SP110: variants seen among roughly 807,000 people sequenced by gnomAD.
SP110 encodes the protein SP110 nuclear body protein.
In SP110, 62 loss-of-function variants were observed where a neutral mutation model predicts 92.7. The observed-to-expected ratio is 0.67, with a 90% CI of 0.55 to 0.83. SP110 has a LOEUF of 0.83. SP110 is among the 40% of genes least tolerant of loss of function. The pLI is 0.00. For missense variants in SP110, 793 were observed against 863.9 expected, an observed-to-expected ratio of 0.92 and a Z score of 1.03; for synonymous variants, 273 against 305.3, an observed-to-expected ratio of 0.89 and a Z score of 1.10.
chr2:230,189,112 TG>T (rs2042492104), intron 10 of SP110, among the ~76,000 whole-genome samples: 3 of 152,092 alleles, frequency 2.0e-5, no homozygotes, highest in Admixed American at 6.6e-5. Flanking sequence ...TTGGTTACTC[TG>T]GCTAATGTTC....
In SP110 at chr2:230,202,736, A is replaced by C; in HGVS notation, c.899-8T>G. 6.2e-7 allele frequency: 1 copy of C among 1,614,068 alleles called. No individual in the cohort carries two copies. The highest frequency in any genetic ancestry group is 8.5e-7 in the Non-Finnish European group (1 of 1,179,958). On this transcript the variant is annotated splice_polypyrimidine_tract_variant and splice_region_variant and intron_variant, in intron 8 of 18. Coordinates refer to ENST00000258381, the MANE Select transcript of SP110 (RefSeq NM_080424.4). ...GTCTAGATGAGGCTGTCCCTGGACC[A>C]AATAATGACTTGTTAATAGTTTAAA...
intron 3 of SP110, among the ~76,000 whole-genome samples, chr2:230,213,250 C>T (rs2044695243): frequency 6.6e-6 from 1 of 152,026 alleles, no homozygotes; most frequent in Non-Finnish European, 1.5e-5. Context: ...GCATCTAAGC[C>T]CTGATCTAAT....
intron 9 of SP110, among the ~76,000 whole-genome samples, chr2:230,201,810 T>C (rs1243250218): frequency 2.0e-5 from 3 of 152,168 alleles, no homozygotes; most frequent in Non-Finnish European, 2.9e-5. Flanking sequence ...TGTAACAGAG[T>C]ATGAAGTTAA....
chr2:230,185,165 CT>C (rs1283797605), intron 11 of SP110, among the ~76,000 whole-genome samples: 1 of 152,240 alleles, frequency 6.6e-6, no homozygotes, highest in African/African-American at 2.4e-5. Flanking sequence ...ACAGAGCAGC[CT>C]CTGTCTAGAA....
At chr2:230,221,722 CA>C (rs1284666128), upstream of SP110, 68 of 1,535,984 alleles carry the variant, frequency 4.4e-5, no homozygotes, top group Middle Eastern at 3.3e-4. Context: ...CCCTCCCCAT[CA>C]CCTGGAAAGC....
chr2:230,207,907 A>T (rs1320491342), intron 8 of SP110, 84 bp downstream of exon 8: 1 of 724,430 alleles, frequency 1.4e-6, no homozygotes, highest in African/African-American at 1.8e-5. Context: ...CATTTAGAAT[A>T]AAATTCAACC....
chr2:230,211,455 C>G lies in SP110; in HGVS notation c.751+15G>C. 1 of 1,540,644 alleles carries G rather than the reference C, an allele frequency of 6.5e-7. No individual in the cohort carries two copies. Among genetic ancestry groups the G allele is most frequent in the East Asian group, 2.2e-5 (1 of 44,524 alleles). On this transcript the variant is annotated intron_variant, in intron 6 of 18. Coordinates refer to ENST00000258381, the MANE Select transcript of SP110 (RefSeq NM_080424.4). The surrounding 1 kb of genome is among the most constrained non-coding windows in gnomAD (Gnocchi z 4.2). The stretch of plus-strand genomic sequence containing the variant: ...AAACAAAGGCAAGCTTTTAGGTTGA[C>G]CAAACCAAGATTACCTGGCATAGAG...
At chr2:230,185,912 C>T in intron 11 of SP110, 82 bp downstream of exon 11, 2 of 1,192,208 alleles carry the variant, frequency 1.7e-6, no homozygotes, top group Non-Finnish European at 2.5e-6. Flanking sequence ...ATTGACTTTA[C>T]ATATCTATCT....
intron 14 of SP110, chr2:230,176,702 G>A (rs2041876175): frequency 1.2e-6 from 2 of 1,613,924 alleles, no homozygotes; most frequent in Non-Finnish European, 1.7e-6. Context: ...ATTTATTCTT[G>A]GAGGACAGAG....
chr2:230,177,352 C>T, intron 14 of SP110, 186 bp downstream of exon 14: 7 of 698,272 alleles, frequency 1.0e-5, no homozygotes, highest in Non-Finnish European at 1.8e-5. Flanking sequence ...ATTTAAAGTT[C>T]TCCACCATCA....
chr2:230,204,644 G>T (rs1229568010), intron 8 of SP110, among the ~76,000 whole-genome samples: 1 of 151,208 alleles, frequency 6.6e-6, no homozygotes, highest in Non-Finnish European at 1.5e-5. Flanking sequence ...GCTAATTTGT[G>T]CCAGGACATT....
At chr2:230,212,611 A>C in intron 4 of SP110, 150 bp downstream of exon 4, 4 of 1,185,472 alleles carry the variant, frequency 3.4e-6, no homozygotes, top group Non-Finnish European at 5.0e-6. Flanking sequence ...GGCAGTGCTC[A>C]TAATCCCTCT....
At chr2:230,170,457 C>T (rs1369868215) in intron 18 of SP110, among the ~76,000 whole-genome samples, 164 bp downstream of exon 18, 1 of 151,860 alleles carries the variant, frequency 6.6e-6, no homozygotes, top group African/African-American at 2.4e-5. Flanking sequence ...TTGCCACTCA[C>T]TCCTTGCCTC....
intron 11 of SP110, among the ~76,000 whole-genome samples, chr2:230,184,642 GA>G (rs2042273520): frequency 6.6e-6 from 1 of 151,750 alleles, no homozygotes; most frequent in East Asian, 1.9e-4. Context: ...TTCAAAGACA[GA>G]AACCAAATCA....
Sources: gnomAD v4.1 joint callset for allele counts (sites outside exome capture counted in the v4.1 genomes callset) on GRCh38, gnomAD v4.1.1 for gene constraint, Gnocchi (gnomAD v3.1) non-coding constraint, MANE v1.5 for transcripts, NCBI Gene and HGNC (gene_info 2026-07-23, HGNC 2026-07-21) for gene names.